PARVA: variants seen among roughly 807,000 people sequenced by gnomAD.
The protein encoded by PARVA is alpha-parvin.
In PARVA, 25 loss-of-function variants were observed where a neutral mutation model predicts 52.6. The observed-to-expected ratio is 0.48, with a 90% CI of 0.35 to 0.66. The LOEUF (loss-of-function observed/expected upper bound fraction) is 0.66. PARVA is among the 30% of genes least tolerant of loss of function. The pLI, the probability that PARVA is intolerant of heterozygous loss-of-function variation, is 0.01. For missense variants in PARVA, 373 were observed against 450.9 expected, an observed-to-expected ratio of 0.83 and a Z score of 1.56; for synonymous variants, 185 against 179.1, an observed-to-expected ratio of 1.03 and a Z score of -0.26.
chr11:12,488,825 C>G (rs547731832), intron 4 of PARVA, among the ~76,000 whole-genome samples: 2 of 152,022 alleles, frequency 1.3e-5, no homozygotes, highest in African/African-American at 4.8e-5. Context: ...CACTAGTGCC[C>G]CAAGACAGAA....
At position 12,513,320 on chromosome 11, in the gene PARVA, T is replaced by C. The variant is rs867612310; in HGVS notation, c.758T>C (p.Leu253Ser). The C allele has an allele frequency of 6.2e-7, 1 of 1,613,920 alleles. No individual in the cohort carries two copies. The highest frequency in any genetic ancestry group is 2.2e-5 in the East Asian group (1 of 44,884). ...TCAGAACGTGATGCCTTTGACACCT[T>C]GTTCGACCATGCCCCAGACAAGCTG... Reference protein sequence around the residue: ...GRHERDAFDTLFDHAPDKLNV... With the variant: ...GRHERDAFDTSFDHAPDKLNV... The change falls in exon 9 of 13, where the codon TTG becomes TCG. Residue 253 changes from leucine (L) to serine (S), a missense_variant. By Grantham distance (145) the Leu-to-Ser change is moderately radical (BLOSUM62 -2). Transcript: ENST00000334956.
At chr11:12,418,074 G>C (rs181426695) in intron 1 of PARVA, among the ~76,000 whole-genome samples, 2 of 152,232 alleles carry the variant, frequency 1.3e-5, no homozygotes, top group Non-Finnish European at 2.9e-5. Context: ...TCATTGGAAG[G>C]TTCCTGCTGG....
intron 1 of PARVA, among the ~76,000 whole-genome samples, chr11:12,473,051 A>G (rs1201514879): frequency 6.6e-6 from 1 of 152,194 alleles, no homozygotes; most frequent in Non-Finnish European, 1.5e-5. Flanking sequence ...GAAGACTGTA[A>G]AAGAGCTTAC....
In PARVA at chr11:12,531,160, C is replaced by T. The variant is rs969850791; in HGVS notation, c.*3235C>T. ...GTCTAGCTGCCAGCAATGCAGTGCT[C>T]GCCTGCTATATTAGAAGGCTCCAGT... is the stretch of plus-strand genomic sequence containing the variant. On this transcript the variant is annotated 3_prime_UTR_variant, in exon 13 of 13. Coordinates refer to ENST00000334956, the MANE Select transcript of PARVA (RefSeq NM_018222.5). Among the ~76,000 whole-genome samples the T allele has an allele frequency of 2.0e-5, 3 of 152,272 alleles. No homozygotes were observed. The highest frequency in any genetic ancestry group is 4.1e-4 in the South Asian group (2 of 4,824).
intron 1 of PARVA, among the ~76,000 whole-genome samples, chr11:12,466,613 G>C (rs1257001725): frequency 2.0e-5 from 3 of 152,004 alleles, no homozygotes; most frequent in Admixed American, 2.0e-4. Flanking sequence ...CTGTAGAGTA[G>C]AAGTATTAAT....
intron 1 of PARVA, among the ~76,000 whole-genome samples, chr11:12,388,560 C>G (rs1335516594): frequency 2.0e-5 from 3 of 152,116 alleles, no homozygotes; most frequent in Non-Finnish European, 4.4e-5. Context: ...GTTTTTCCTT[C>G]CCCATTATAA....
intron 4 of PARVA, among the ~76,000 whole-genome samples, chr11:12,494,663 AAAAG>A (rs1294773380): frequency 6.6e-6 from 1 of 152,126 alleles, no homozygotes; most frequent in Non-Finnish European, 1.5e-5. Context: ...TTTAAAAAAA[AAAAG>A]AATGAACTAG....
chr11:12,447,240 G>A (rs1289432615), intron 1 of PARVA, among the ~76,000 whole-genome samples: 1 of 152,112 alleles, frequency 6.6e-6, no homozygotes, highest in African/African-American at 2.4e-5. Context: ...TTTTTTGGTG[G>A]TATTTTTAAA....
At chr11:12,434,887 T>C (rs944444470) in intron 1 of PARVA, among the ~76,000 whole-genome samples, 7 of 152,174 alleles carry the variant, frequency 4.6e-5, no homozygotes, top group Non-Finnish European at 8.8e-5. Context: ...TCACTTAGTC[T>C]GCCTAAGTGA....
At chr11:12,411,809 G>A (rs1426087447) in intron 1 of PARVA, among the ~76,000 whole-genome samples, 1 of 152,006 alleles carries the variant, frequency 6.6e-6, no homozygotes, top group Non-Finnish European at 1.5e-5. Context: ...AAAATCACTG[G>A]AGAAGATCAA....
At position 12,413,858 on chromosome 11, in the gene PARVA, G is replaced by C. The variant is rs113910907; in HGVS notation, c.136+36075G>C. Among the ~76,000 whole-genome samples the C allele has an allele frequency of 2.3e-3, 343 of 152,336 alleles. 1 individual carries two copies. Among genetic ancestry groups the C allele is most frequent in the African/African-American group, 8.0e-3 (333 of 41,572 alleles). ...TTAATCACCCATGGACAGGTTTCTT[G>C]AACAGGAGAAAGTTTGTAACCAGAG... On this transcript the variant is annotated intron_variant, in intron 1 of 12. Coordinates refer to ENST00000334956, the MANE Select transcript of PARVA (RefSeq NM_018222.5).
chr11:12,508,112 A>AAC (rs1214061647), intron 6 of PARVA, among the ~76,000 whole-genome samples: 2 of 128,324 alleles, frequency 1.6e-5, no homozygotes, highest in Non-Finnish European at 3.3e-5. Context: ...AAAAAAAAAA[A>AAC]AAAAAAAAAA....
intron 5 of PARVA, among the ~76,000 whole-genome samples, chr11:12,500,298 G>A (rs922304237): frequency 9.2e-5 from 14 of 152,178 alleles, no homozygotes; most frequent in African/African-American, 2.6e-4. Flanking sequence ...AGGCCTGGGC[G>A]CTTACTCTTA....
chr11:12,464,951 A>G (rs1337553370), intron 1 of PARVA, among the ~76,000 whole-genome samples: 8 of 152,192 alleles, frequency 5.3e-5, no homozygotes, highest in Non-Finnish European at 7.4e-5. Flanking sequence ...TCAGATCATT[A>G]GGCATTAAAT....
intron 6 of PARVA, 137 bp from the exon 7 acceptor site, chr11:12,508,447 G>A: frequency 1.4e-6 from 1 of 697,590 alleles, no homozygotes; most frequent in South Asian, 1.7e-5. Context: ...TTCACTTCCA[G>A]CATTATCTTA....
intron 1 of PARVA, among the ~76,000 whole-genome samples, chr11:12,448,021 TCTC>T (rs1173513960): frequency 4.6e-5 from 7 of 152,202 alleles, no homozygotes; most frequent in African/African-American, 1.4e-4. Flanking sequence ...CAGCATTAGT[TCTC>T]CTCTCTTTCC....
chr11:12,517,581 C>T, intron 10 of PARVA, 29 bp from the exon 11 acceptor site: 1 of 1,493,210 alleles, frequency 6.7e-7, no homozygotes, highest in Non-Finnish European at 9.2e-7. Context: ...GGCTCAGGGG[C>T]CAGTGCCATC....
intron 1 of PARVA, among the ~76,000 whole-genome samples, chr11:12,402,235 G>A (rs116949598): frequency 0.019 from 2,953 of 152,288 alleles, 46 homozygotes; most frequent in Non-Finnish European, 0.031. Context: ...AGCAGCTGGG[G>A]AGAAAGCCAT....
At chr11:12,455,363 C>A (rs1294956007) in intron 1 of PARVA, among the ~76,000 whole-genome samples, 1 of 152,142 alleles carries the variant, frequency 6.6e-6, no homozygotes, top group African/African-American at 2.4e-5. Context: ...TAGATTATTT[C>A]CCTTTATTTA....
Sources: allele counts gnomAD v4.1 joint callset (sites outside exome capture counted in the v4.1 genomes callset), GRCh38; gene constraint gnomAD v4.1.1; transcripts MANE v1.5; gene names NCBI Gene and HGNC (gene_info 2026-07-23, HGNC 2026-07-21).